NUAK1: variants seen among roughly 807,000 people sequenced by gnomAD.
The protein encoded by NUAK1 is NUAK family kinase 1.
A neutral mutation model predicts 56.9 loss-of-function variants in NUAK1; 26 were observed. That is an observed-to-expected ratio of 0.46 (90% confidence interval 0.33 to 0.63). The LOEUF (loss-of-function observed/expected upper bound fraction) is 0.63. Ranked by LOEUF, NUAK1 falls within the 30% of genes least tolerant of loss-of-function variation. The probability of loss-of-function intolerance (pLI) is 0.02; values close to 1 mark genes in which losing one functional copy is unlikely to be tolerated. For missense variants in NUAK1, 727 were observed against 876.1 expected (o/e 0.83, Z 2.15); for synonymous variants, 337 against 336.0 (o/e 1.00, Z -0.03).
At chr12:106,110,102 G>A (rs926150906) in intron 1 of NUAK1, among the ~76,000 whole-genome samples, 12 of 152,102 alleles carry the variant, frequency 7.9e-5, no homozygotes, top group Admixed American at 1.3e-4. Flanking sequence ...TATCAGCAGG[G>A]CTCCTGAGTC....
chr12:106,102,285 C>A (rs1015343862), intron 2 of NUAK1, among the ~76,000 whole-genome samples: 1 of 152,168 alleles, frequency 6.6e-6, no homozygotes, highest in Non-Finnish European at 1.5e-5. Context: ...TATGTACCCT[C>A]TCTCAGAAAA....
At chr12:106,110,005 T>C (rs1390975716) in intron 1 of NUAK1, among the ~76,000 whole-genome samples, 2 of 152,116 alleles carry the variant, frequency 1.3e-5, no homozygotes, top group Middle Eastern at 3.2e-3. Context: ...TCATAGTACA[T>C]AAAGGACAAG....
intron 2 of NUAK1, among the ~76,000 whole-genome samples, chr12:106,097,722 G>T (rs2032709114): frequency 6.6e-6 from 1 of 152,310 alleles, no homozygotes; most frequent in African/African-American, 2.4e-5. Flanking sequence ...CTCTGCAGGG[G>T]TTTTTCTAGT....
chr12:106,111,296 C>A (rs955665328), intron 1 of NUAK1, among the ~76,000 whole-genome samples: 1 of 152,292 alleles, frequency 6.6e-6, no homozygotes, highest in East Asian at 1.9e-4. Context: ...TCTCCACCCC[C>A]ACACATATCC....
rs199611234 is a variant in NUAK1 at position 106,100,442 on chromosome 12, TC to T, written c.361+5962del. On this transcript the variant is annotated intron_variant, in intron 2 of 6. Transcript: ENST00000261402. Reference sequence around the variant, plus strand: ...ATTCCCAGGACTCTGAAGTGTTTAGTCTCCGCTTCATTCAGATCTTCACTCA... The same window carrying T: ...ATTCCCAGGACTCTGAAGTGTTTAGTTCCGCTTCATTCAGATCTTCACTCA... Among the ~76,000 whole-genome samples, 125 of 152,298 alleles carry T rather than the reference TC, an allele frequency of 8.2e-4. 1 individual carries two copies. The East Asian group carries it at 0.017, about 20-fold the overall frequency.
At chr12:106,116,413 A>T (rs528019804) in intron 1 of NUAK1, among the ~76,000 whole-genome samples, 1 of 152,280 alleles carries the variant, frequency 6.6e-6, no homozygotes, top group East Asian at 1.9e-4. Context: ...TTCACAATAA[A>T]AGCTAGCAGT....
At chr12:106,086,693 A>G (rs745639286) in intron 3 of NUAK1, 41 bp downstream of exon 3, 1 of 1,577,644 alleles carries the variant, frequency 6.3e-7, no homozygotes, top group South Asian at 1.1e-5. Flanking sequence ...GTGCCATAAA[A>G]ACCATCTACG....
chr12:106,136,743 G>A (rs1026842922), intron 1 of NUAK1, among the ~76,000 whole-genome samples: 2 of 152,164 alleles, frequency 1.3e-5, no homozygotes, highest in Non-Finnish European at 2.9e-5. Flanking sequence ...TTCCCAGTGC[G>A]ATTCTTCAGC....
intron 2 of NUAK1, among the ~76,000 whole-genome samples, chr12:106,102,823 G>A (rs1356233529): frequency 6.6e-6 from 1 of 152,152 alleles, no homozygotes; most frequent in Non-Finnish European, 1.5e-5. Flanking sequence ...GAGGACTGGA[G>A]GCTGAAGCTC....
chr12:106,066,687 C>T lies in NUAK1; in HGVS notation c.*115G>A, dbSNP rs1163335682. On this transcript the variant is annotated 3_prime_UTR_variant, in exon 7 of 7. Coordinates refer to ENST00000261402, the MANE Select transcript of NUAK1 (RefSeq NM_014840.3). ...GCAAACTTGGCCAAGTGAGACAGTG[C>T]CAATCCTTTTTCAGTCTGTTGTCAC... 1.2e-5 allele frequency: 11 copies of T among 924,794 alleles called. No homozygotes were observed. The highest frequency in any genetic ancestry group is 4.5e-5 in the Admixed American group (2 of 44,398). 57.3% of individuals were successfully genotyped at this position (924,794 alleles called of 1,614,324 possible). A position where few individuals can be genotyped will look rare whatever the true frequency, so the allele number is the denominator to read the frequency against.
chr12:106,072,669 C>T, intron 5 of NUAK1, 55 bp downstream of exon 5: 2 of 1,549,304 alleles, frequency 1.3e-6, no homozygotes, highest in Admixed American at 1.9e-5. Flanking sequence ...TTTTGCCCTT[C>T]CTCCCTCTTC....
chr12:106,128,783 C>A (rs1356138090), intron 1 of NUAK1, among the ~76,000 whole-genome samples: 1 of 152,232 alleles, frequency 6.6e-6, no homozygotes, highest in African/African-American at 2.4e-5. Flanking sequence ...ACACCTACCA[C>A]AGCCTCCACT....
At chr12:106,098,506 G>T (rs1260348705) in intron 2 of NUAK1, among the ~76,000 whole-genome samples, 1 of 152,136 alleles carries the variant, frequency 6.6e-6, no homozygotes, top group Non-Finnish European at 1.5e-5. Flanking sequence ...AGAAAGCCAG[G>T]ATCACCCTTA....
At chr12:106,087,063 T>A in intron 2 of NUAK1, 178 bp from the exon 3 acceptor site, 1 of 620,278 alleles carries the variant, frequency 1.6e-6, no homozygotes. Context: ...TCCCGCCAGG[T>A]GGAAAATGGT....
chr12:106,136,603 C>CTAA (rs2033131952), intron 1 of NUAK1, among the ~76,000 whole-genome samples: 1 of 152,176 alleles, frequency 6.6e-6, no homozygotes, highest in Admixed American at 6.5e-5. Context: ...GGTAGTGCCC[C>CTAA]AGCATTTAGA....
chr12:106,110,395 T>C (rs1592858425), intron 1 of NUAK1, among the ~76,000 whole-genome samples: 1 of 151,356 alleles, frequency 6.6e-6, no homozygotes, highest in Non-Finnish European at 1.5e-5. Flanking sequence ...GTGGGGAGGG[T>C]ACGGGCAATA....
intron 2 of NUAK1, among the ~76,000 whole-genome samples, chr12:106,102,669 T>C (rs746826283): frequency 6.6e-6 from 1 of 152,280 alleles, no homozygotes; most frequent in South Asian, 2.1e-4. Flanking sequence ...TTTTTGAGCT[T>C]ACCAGATACA....
At chr12:106,106,253 C>G (rs772738293) in intron 2 of NUAK1, 152 bp downstream of exon 2, 2 of 629,998 alleles carry the variant, frequency 3.2e-6, no homozygotes. Context: ...TTCAAGGTAA[C>G]CAAGTAAGAG....
chr12:106,114,124 A>C (rs2032893141), intron 1 of NUAK1, among the ~76,000 whole-genome samples: 1 of 152,224 alleles, frequency 6.6e-6, no homozygotes, highest in African/African-American at 2.4e-5. Flanking sequence ...AAGGGAGAGA[A>C]AGGGCTGGGC....
Sources: allele counts gnomAD v4.1 joint callset (sites outside exome capture counted in the v4.1 genomes callset), GRCh38; gene constraint gnomAD v4.1.1; transcripts MANE v1.5; gene names NCBI Gene and HGNC (gene_info 2026-07-23, HGNC 2026-07-21).